Variants in SUGCT observed in about 807,000 individuals in gnomAD.
SUGCT encodes the protein succinyl-CoA:glutarate-CoA transferase.
A neutral mutation model predicts 55.0 loss-of-function variants in SUGCT; 41 were observed. The ratio of observed to expected loss-of-function variants is 0.74; its 90% CI spans 0.58 to 0.97. SUGCT has a LOEUF of 0.97. Ranked by LOEUF, SUGCT falls within the 50% of genes least tolerant of loss-of-function variation. The pLI is 0.00. For synonymous variants in SUGCT, 187 were observed against 200.4 expected (o/e 0.93, Z 0.56); for missense variants, 568 against 547.8 (o/e 1.04, Z -0.37).
intron 12 of SUGCT, among the ~76,000 whole-genome samples, chr7:40,715,549 C>T (rs999617565): frequency 1.3e-5 from 2 of 152,104 alleles, no homozygotes; most frequent in Admixed American, 6.5e-5. Flanking sequence ...TTTGCCCCCC[C>T]TCATGTGTTT....
intron 13 of SUGCT, among the ~76,000 whole-genome samples, chr7:40,799,272 T>A (rs2128749772): frequency 6.6e-6 from 1 of 152,350 alleles, no homozygotes. Context: ...TTCTTTCCTT[T>A]TCTTTTTCTT....
intron 9 of SUGCT, among the ~76,000 whole-genome samples, chr7:40,325,485 A>G (rs1467856150): frequency 2.0e-5 from 3 of 152,190 alleles, no homozygotes; most frequent in Middle Eastern, 3.2e-3. Context: ...ATGTATTTAT[A>G]AAATTTTTGC....
At chr7:41,009,503 C>A in the SUGCT span, among the ~76,000 whole-genome samples, 2 of 152,068 alleles carry the variant, frequency 1.3e-5, no homozygotes, top group Non-Finnish European at 2.9e-5. Context: ...TATCCATCCA[C>A]CATCCTTCCT....
chr7:40,234,831 C>T (rs1488310081), intron 6 of SUGCT, among the ~76,000 whole-genome samples: 1 of 151,872 alleles, frequency 6.6e-6, no homozygotes, highest in Non-Finnish European at 1.5e-5. Flanking sequence ...ATTGCTGGAA[C>T]ACAGTCAGTC....
intron 8 of SUGCT, among the ~76,000 whole-genome samples, chr7:40,279,620 T>A (rs1792816358): frequency 6.6e-6 from 1 of 151,704 alleles, no homozygotes; most frequent in Non-Finnish European, 1.5e-5. Flanking sequence ...TTAGTAATGT[T>A]AGATTAAAAA....
intron 9 of SUGCT, among the ~76,000 whole-genome samples, chr7:40,395,902 C>T (rs1274023847): frequency 6.6e-6 from 1 of 152,150 alleles, no homozygotes; most frequent in Admixed American, 6.5e-5. Context: ...ACAGAATGGG[C>T]ATACTAAGGT....
At chr7:40,897,426 G>GAGACACACACAC in the SUGCT span, among the ~76,000 whole-genome samples, 11 of 148,784 alleles carry the variant, frequency 7.4e-5, no homozygotes, top group African/African-American at 2.7e-4. Context: ...AATAAAGCTG[G>GAGACACACACAC]ACACACACAC....
chr7:40,194,672 G>T (rs1475644558), intron 5 of SUGCT, among the ~76,000 whole-genome samples: 1 of 152,186 alleles, frequency 6.6e-6, no homozygotes, highest in African/African-American at 2.4e-5. Flanking sequence ...GACAGACCAT[G>T]TAGTCTAGAT....
intron 9 of SUGCT, among the ~76,000 whole-genome samples, chr7:40,385,905 A>G (rs866313967): frequency 3.4e-4 from 52 of 152,332 alleles, no homozygotes; most frequent in African/African-American, 1.2e-3. Context: ...TTTTGTTGTG[A>G]CATGTAACAA....
chr7:40,377,995 C>T (rs1014399686), intron 9 of SUGCT, among the ~76,000 whole-genome samples: 3 of 152,078 alleles, frequency 2.0e-5, no homozygotes, highest in Admixed American at 2.0e-4. Context: ...TAATGAATTG[C>T]TTCTCTCCTG....
chr7:40,547,786 A>G (rs1031040510), intron 12 of SUGCT, among the ~76,000 whole-genome samples: 64 of 152,268 alleles, frequency 4.2e-4, no homozygotes, highest in Middle Eastern at 3.4e-3. Context: ...ATCATTTTTC[A>G]TTCACATACA....
chr7:40,731,775 GA>G (rs1421384492), intron 12 of SUGCT, among the ~76,000 whole-genome samples: 1 of 152,140 alleles, frequency 6.6e-6, no homozygotes, highest in Non-Finnish European at 1.5e-5. Flanking sequence ...AACATAGGAT[GA>G]AAACAATAAT....
At chr7:40,413,802 A>C (rs1012544646) in intron 9 of SUGCT, among the ~76,000 whole-genome samples, 2 of 152,214 alleles carry the variant, frequency 1.3e-5, no homozygotes, top group Non-Finnish European at 2.9e-5. Flanking sequence ...TAGTGACAAC[A>C]TAAAAAAAAC....
At chr7:40,356,326 C>T (rs1037864643) in intron 9 of SUGCT, among the ~76,000 whole-genome samples, 8 of 152,224 alleles carry the variant, frequency 5.3e-5, no homozygotes, top group African/African-American at 1.7e-4. Flanking sequence ...TTGTCAAATC[C>T]GCAGGAAAAG....
chr7:40,704,898 T>A (rs553144816), intron 12 of SUGCT, among the ~76,000 whole-genome samples: 71 of 152,306 alleles, frequency 4.7e-4, no homozygotes, highest in African/African-American at 1.5e-3. Context: ...AGCTATGAAG[T>A]AGTGGAGTCA....
the SUGCT span, among the ~76,000 whole-genome samples, chr7:40,918,188 C>T: frequency 5.3e-5 from 8 of 152,084 alleles, 1 homozygote; most frequent in South Asian, 6.2e-4. Flanking sequence ...ATAGGCCAGT[C>T]GCGGTGGTTC....
the SUGCT span, among the ~76,000 whole-genome samples, chr7:41,003,895 T>A: frequency 6.6e-6 from 1 of 152,212 alleles, no homozygotes; most frequent in Non-Finnish European, 1.5e-5. Flanking sequence ...GCGATTGAAA[T>A]CTCTTGCCTG....
the SUGCT span, among the ~76,000 whole-genome samples, chr7:41,010,243 C>T: frequency 6.6e-6 from 1 of 152,206 alleles, no homozygotes; most frequent in East Asian, 1.9e-4. Context: ...CAGAACCTGG[C>T]TTAGATACCA....
At chr7:40,864,469 A>G (rs1794546299), downstream of SUGCT, among the ~76,000 whole-genome samples, 1 of 152,142 alleles carries the variant, frequency 6.6e-6, no homozygotes, top group Non-Finnish European at 1.5e-5. Context: ...GAACTTTTAA[A>G]CAAGGTGGGC....
Sources: allele counts gnomAD v4.1 joint callset (sites outside exome capture counted in the v4.1 genomes callset), GRCh38; gene constraint gnomAD v4.1.1; transcripts MANE v1.5; gene names NCBI Gene and HGNC (gene_info 2026-07-23, HGNC 2026-07-21).